The following GLMN variants were observed in gnomAD, a reference collection of about 807,000 sequenced individuals.
The protein encoded by GLMN is glomulin, FKBP associated protein.
GLMN carries 75 observed loss-of-function variants against 87.8 expected under a neutral mutation model. The observed-to-expected ratio is 0.85, with a 90% confidence interval of 0.71 to 1.04. The LOEUF (loss-of-function observed/expected upper bound fraction) is 1.04, where lower values mean the gene tolerates loss of function less well. Among genes scored for constraint, GLMN ranks in the 50% least tolerant of loss-of-function variants. GLMN has a pLI of 0.00. For missense variants in GLMN, 588 were observed against 658.8 expected (o/e 0.89, Z 1.18); for synonymous variants, 206 against 221.6 (o/e 0.93, Z 0.63).
intron 3 of GLMN, among the ~76,000 whole-genome samples, chr1:92,297,115 CT>C (rs1034040272): frequency 1.8e-3 from 212 of 118,286 alleles, no homozygotes; most frequent in African/African-American, 4.9e-3. Flanking sequence ...TGTTTCTTTT[CT>C]TTTTTTTTTT....
intron 16 of GLMN, among the ~76,000 whole-genome samples, chr1:92,261,548 G>A (rs1179944238): frequency 2.0e-5 from 3 of 152,286 alleles, no homozygotes; most frequent in East Asian, 1.9e-4. Flanking sequence ...GTAGCACAAC[G>A]AGGTCAGAAT....
the GLMN span, among the ~76,000 whole-genome samples, chr1:92,320,333 C>T: frequency 2.6e-5 from 4 of 152,034 alleles, no homozygotes; most frequent in East Asian, 1.9e-4. Flanking sequence ...AGTGCAGTGG[C>T]GCAATCTCGG....
chr1:92,346,722 A>C, the GLMN span, among the ~76,000 whole-genome samples: 1 of 152,334 alleles, frequency 6.6e-6, no homozygotes, highest in Admixed American at 6.5e-5. Context: ...AAGCATATAT[A>C]AAACATTTAG....
At chr1:92,357,449 A>G in the GLMN span, among the ~76,000 whole-genome samples, 9 of 152,368 alleles carry the variant, frequency 5.9e-5, no homozygotes, top group East Asian at 1.7e-3. Context: ...AGAACAGATG[A>G]GAGTATTCTA....
At chr1:92,261,638 A>G (rs1655055783) in intron 16 of GLMN, among the ~76,000 whole-genome samples, 1 of 152,212 alleles carries the variant, frequency 6.6e-6, no homozygotes, top group African/African-American at 2.4e-5. Context: ...ATATAGATCT[A>G]TGTATTAGTT....
At chr1:92,278,112 G>C (rs1187555167) in intron 7 of GLMN, among the ~76,000 whole-genome samples, 1 of 152,110 alleles carries the variant, frequency 6.6e-6, no homozygotes, top group Non-Finnish European at 1.5e-5. Context: ...AAGGGCAGGG[G>C]GCAGGGCAGG....
the GLMN span, among the ~76,000 whole-genome samples, chr1:92,331,701 A>G: frequency 6.6e-6 from 1 of 152,122 alleles, no homozygotes; most frequent in Admixed American, 6.5e-5. Context: ...TTTATAGCCA[A>G]TACTCAGCTG....
At chr1:92,289,256 A>T in intron 5 of GLMN, 105 bp from the exon 6 acceptor site, 1 of 774,536 alleles carries the variant, frequency 1.3e-6, no homozygotes, top group Non-Finnish European at 2.4e-6. Context: ...CATTTTAACA[A>T]CTCTTGAATC....
the GLMN span, among the ~76,000 whole-genome samples, chr1:92,331,381 T>G: frequency 6.6e-6 from 1 of 152,178 alleles, no homozygotes; most frequent in African/African-American, 2.4e-5. Flanking sequence ...ACCATCTCAC[T>G]CCTCTTTCTA....
At chr1:92,275,836 TG>T (rs1647244198) in intron 7 of GLMN, among the ~76,000 whole-genome samples, 1 of 152,218 alleles carries the variant, frequency 6.6e-6, no homozygotes, top group African/African-American at 2.4e-5. Flanking sequence ...ACTTCCTTCT[TG>T]GGCTCATTTT....
intron 9 of GLMN, among the ~76,000 whole-genome samples, chr1:92,268,924 T>G (rs1249930849): frequency 6.6e-6 from 1 of 151,524 alleles, no homozygotes; most frequent in African/African-American, 2.4e-5. Flanking sequence ...CCTTTTTTTT[T>G]TTTTTTTCTT....
At chr1:92,253,790 G>T (rs1653853073) in intron 16 of GLMN, among the ~76,000 whole-genome samples, 1 of 152,174 alleles carries the variant, frequency 6.6e-6, no homozygotes, top group African/African-American at 2.4e-5. Flanking sequence ...AAGACCAAAG[G>T]TAGAAATCCA....
At chr1:92,304,191 C>A in the GLMN span, 1 of 1,110,412 alleles carries the variant, frequency 9.0e-7, no homozygotes, top group Non-Finnish European at 1.4e-6. Context: ...ATGGATTGGC[C>A]AATGATATGA....
At position 92,298,957 on chromosome 1, in the gene GLMN, C is replaced by T. The variant is rs1650535969; in HGVS notation, c.-63G>A. The stretch of plus-strand genomic sequence containing the variant: ...AACCCTCGCCTCTCCCAGCCGCCGC[C>T]ACCTCCTCCGGCGTCTTAGCCCGCT... On this transcript the variant is annotated 5_prime_UTR_variant, in exon 1 of 19. Transcript: ENST00000370360. The T allele has an allele frequency of 2.0e-6, 1 of 498,764 alleles. No individual in the cohort carries two copies. The highest frequency in any genetic ancestry group is 3.4e-5 in the East Asian group (1 of 29,096). 30.9% of individuals were successfully genotyped at this position (498,764 alleles called of 1,614,324 possible). A position where few individuals can be genotyped will look rare whatever the true frequency, so the allele number is the denominator to read the frequency against.
chr1:92,300,124 C>T (rs1356161021), upstream of GLMN: 7 of 1,029,078 alleles, frequency 6.8e-6, no homozygotes, highest in African/African-American at 1.6e-5. Context: ...CTTATGAGAC[C>T]GCTGTCTGTA....
At chr1:92,336,276 A>T in the GLMN span, 1 of 988,174 alleles carries the variant, frequency 1.0e-6, no homozygotes, top group East Asian at 2.6e-5. Context: ...GAAAATTCAG[A>T]TCTAGGCATG....
chr1:92,310,834 T>C, the GLMN span, among the ~76,000 whole-genome samples: 1 of 151,400 alleles, frequency 6.6e-6, no homozygotes, highest in Non-Finnish European at 1.5e-5. Flanking sequence ...GAGGCAGAGG[T>C]TGCAGTGAGC....
intron 16 of GLMN, among the ~76,000 whole-genome samples, chr1:92,259,206 T>C (rs1011590879): frequency 1.3e-5 from 2 of 152,194 alleles, no homozygotes; most frequent in African/African-American, 4.8e-5. Flanking sequence ...TTATTGGATA[T>C]GTATTAGAAT....
the GLMN span, chr1:92,320,540 G>T: frequency 3.9e-5 from 57 of 1,452,290 alleles, no homozygotes; most frequent in Non-Finnish European, 4.5e-5. Context: ...AAAGTGCTGG[G>T]GTTACAGGCA....
Sources: gnomAD v4.1 joint callset for allele counts (sites outside exome capture counted in the v4.1 genomes callset) on GRCh38, gnomAD v4.1.1 for gene constraint, MANE v1.5 for transcripts, NCBI Gene and HGNC (gene_info 2026-07-23, HGNC 2026-07-21) for gene names.